AGTPBP1: variants seen among roughly 807,000 people sequenced by gnomAD.
AGTPBP1 encodes the protein cytosolic carboxypeptidase 1.
Under a neutral mutation model 143.9 loss-of-function variants are expected in AGTPBP1, and 70 were observed. The observed-to-expected ratio is 0.49, with a 90% confidence interval of 0.40 to 0.59. The LOEUF (loss-of-function observed/expected upper bound fraction) is 0.59. AGTPBP1 is among the 20% of genes least tolerant of loss of function. The probability of loss-of-function intolerance (pLI) is 0.00; values close to 1 mark genes in which losing one functional copy is unlikely to be tolerated. For missense variants in AGTPBP1, 1,229 were observed against 1,464.5 expected (o/e 0.84, Z 2.62); for synonymous variants, 463 against 500.2 (o/e 0.93, Z 0.99).
chr9:85,734,071 G>A (rs1385817416), intron 1 of AGTPBP1, among the ~76,000 whole-genome samples: 1 of 152,136 alleles, frequency 6.6e-6, no homozygotes, highest in Non-Finnish European at 1.5e-5. Context: ...GGCCAACATG[G>A]TGAAACCCTG....
intron 11 of AGTPBP1, among the ~76,000 whole-genome samples, chr9:85,647,177 T>C (rs1217305689): frequency 6.6e-6 from 1 of 152,188 alleles, no homozygotes; most frequent in Non-Finnish European, 1.5e-5. Context: ...CTCGGGAGGC[T>C]GAGGCAGAAG....
intron 25 of AGTPBP1, among the ~76,000 whole-genome samples, chr9:85,562,760 A>C (rs911568471): frequency 6.6e-6 from 1 of 152,200 alleles, no homozygotes; most frequent in Non-Finnish European, 1.5e-5. Flanking sequence ...AAAAAACCTG[A>C]TGGTTCACAG....
chr9:85,641,510 C>T (rs894089672), intron 13 of AGTPBP1, among the ~76,000 whole-genome samples: 2 of 151,904 alleles, frequency 1.3e-5, no homozygotes, highest in Admixed American at 6.6e-5. Flanking sequence ...CTTCTATTAC[C>T]CCGATTTCAA....
chr9:85,756,442 G>T, the AGTPBP1 span, among the ~76,000 whole-genome samples: 1 of 141,260 alleles, frequency 7.1e-6, no homozygotes, highest in African/African-American at 2.6e-5. Context: ...TTCCTCAAAA[G>T]GCTAAACTTA....
intron 3 of AGTPBP1, among the ~76,000 whole-genome samples, chr9:85,684,920 A>G (rs1026782202): frequency 6.6e-6 from 1 of 152,078 alleles, no homozygotes; most frequent in African/African-American, 2.4e-5. Flanking sequence ...AAAGATGGGA[A>G]AACACAGCAG....
At chr9:85,610,312 AAG>A (rs1410919381) in intron 17 of AGTPBP1, among the ~76,000 whole-genome samples, 2 of 152,172 alleles carry the variant, frequency 1.3e-5, no homozygotes, top group African/African-American at 2.4e-5. Context: ...ATGGGGGGGT[AAG>A]AGGGGGTGAT....
chr9:85,719,069 T>C (rs989303980), intron 1 of AGTPBP1, among the ~76,000 whole-genome samples: 1 of 152,222 alleles, frequency 6.6e-6, no homozygotes, highest in African/African-American at 2.4e-5. Flanking sequence ...TTAGTTACTG[T>C]AGCCTTGCAG....
At chr9:85,613,691 CAT>C (rs1284129368) in intron 17 of AGTPBP1, among the ~76,000 whole-genome samples, 9 of 152,058 alleles carry the variant, frequency 5.9e-5, no homozygotes, top group East Asian at 3.8e-4. Flanking sequence ...TTCATTAAAA[CAT>C]ATGTTATTTA....
chr9:85,778,482 G>T, the AGTPBP1 span, among the ~76,000 whole-genome samples: 1 of 152,204 alleles, frequency 6.6e-6, no homozygotes, highest in Non-Finnish European at 1.5e-5. Flanking sequence ...CATTGGATCT[G>T]CTGGGTCATA....
the AGTPBP1 span, among the ~76,000 whole-genome samples, chr9:85,778,035 A>ACT: frequency 6.6e-6 from 1 of 151,978 alleles, no homozygotes; most frequent in South Asian, 2.1e-4. Flanking sequence ...ATCATAGGGA[A>ACT]CTCCCCATGA....
intron 25 of AGTPBP1, among the ~76,000 whole-genome samples, chr9:85,565,950 G>A (rs947078103): frequency 6.6e-6 from 1 of 152,140 alleles, no homozygotes; most frequent in African/African-American, 2.4e-5. Context: ...AATGACTAAA[G>A]GATAAAGTCT....
intron 2 of AGTPBP1, among the ~76,000 whole-genome samples, chr9:85,693,152 T>C (rs1287814148): frequency 6.6e-6 from 1 of 152,178 alleles, no homozygotes; most frequent in Admixed American, 6.5e-5. Flanking sequence ...ACTCTGATAA[T>C]CCTTCTTCCC....
At chr9:85,637,040 G>GTTTTTTT (rs36101581) in intron 13 of AGTPBP1, among the ~76,000 whole-genome samples, 1 of 126,472 alleles carries the variant, frequency 7.9e-6, no homozygotes, top group Non-Finnish European at 1.7e-5. Flanking sequence ...TCCCCAAAAA[G>GTTTTTTT]TTTTTTTTTT....
intron 25 of AGTPBP1, among the ~76,000 whole-genome samples, chr9:85,564,203 T>A: frequency 6.6e-6 from 1 of 152,244 alleles, no homozygotes; most frequent in East Asian, 1.9e-4. Flanking sequence ...CTCTAGTGTG[T>A]CCAGAAGGTG....
intron 5 of AGTPBP1, among the ~76,000 whole-genome samples, chr9:85,678,101 C>T (rs775147683): frequency 6.6e-6 from 1 of 152,120 alleles, no homozygotes; most frequent in Non-Finnish European, 1.5e-5. Context: ...ACACAAATCA[C>T]GCTGAAATTC....
At chr9:85,725,029 T>C (rs963219183) in intron 1 of AGTPBP1, among the ~76,000 whole-genome samples, 2 of 152,196 alleles carry the variant, frequency 1.3e-5, no homozygotes, top group East Asian at 1.9e-4. Context: ...CTTGGAAGTT[T>C]AAAAACCAAA....
chr9:85,628,562 C>T (rs1831447107), intron 14 of AGTPBP1, among the ~76,000 whole-genome samples: 1 of 152,162 alleles, frequency 6.6e-6, no homozygotes, highest in Admixed American at 6.5e-5. Flanking sequence ...AAAGAGAAAA[C>T]ATCTCTATAG....
intron 14 of AGTPBP1, among the ~76,000 whole-genome samples, chr9:85,625,310 T>C (rs142048218): frequency 1.3e-5 from 2 of 152,354 alleles, no homozygotes; most frequent in South Asian, 2.1e-4. Flanking sequence ...AATTAATGTA[T>C]GAGAGAGGCT....
At chr9:85,674,517 T>C (rs1200356887) in intron 6 of AGTPBP1, among the ~76,000 whole-genome samples, 1 of 152,058 alleles carries the variant, frequency 6.6e-6, no homozygotes, top group Non-Finnish European at 1.5e-5. Flanking sequence ...TTTAAATGAA[T>C]TTTCTGCCAA....
Sources: allele counts gnomAD v4.1 joint callset (sites outside exome capture counted in the v4.1 genomes callset), GRCh38; gene constraint gnomAD v4.1.1; transcripts MANE v1.5; gene names NCBI Gene and HGNC (gene_info 2026-07-23, HGNC 2026-07-21).